GRIN2B: variants seen among roughly 807,000 people sequenced by gnomAD.
The protein encoded by GRIN2B is glutamate ionotropic receptor NMDA type subunit 2B.
GRIN2B carries 5 observed loss-of-function variants against 114.5 expected under a neutral mutation model. The observed-to-expected ratio is 0.04, with a 90% CI of 0.02 to 0.09. GRIN2B has a LOEUF of 0.09. Among genes scored for constraint, GRIN2B ranks in the 10% least tolerant of loss-of-function variants. The probability of loss-of-function intolerance (pLI) is 1.00; values close to 1 mark genes in which losing one functional copy is unlikely to be tolerated. For synonymous variants in GRIN2B, 787 were observed against 745.1 expected (o/e 1.06, Z -0.92); for missense variants, 1,108 against 1,943.5 (o/e 0.57, Z 8.08).
chr12:13,592,968 G>T (rs191862132), intron 10 of GRIN2B, among the ~76,000 whole-genome samples: 15 of 152,238 alleles, frequency 9.9e-5, no homozygotes, highest in African/African-American at 3.4e-4. Context: ...GGTCATGAAG[G>T]CCACTTTACA....
At chr12:13,891,280 T>C (rs572307858) in intron 2 of GRIN2B, among the ~76,000 whole-genome samples, 23 of 152,286 alleles carry the variant, frequency 1.5e-4, no homozygotes, top group Middle Eastern at 3.4e-3. Flanking sequence ...CTGTGATTCC[T>C]ATTCAAGAAG....
intron 5 of GRIN2B, among the ~76,000 whole-genome samples, chr12:13,626,378 T>C (rs1949566707): frequency 6.6e-6 from 1 of 152,184 alleles, no homozygotes; most frequent in Non-Finnish European, 1.5e-5. Flanking sequence ...TATAATCTGC[T>C]TTTGGGAACT....
At chr12:13,835,769 A>G (rs1270278424) in intron 3 of GRIN2B, among the ~76,000 whole-genome samples, 4 of 116,174 alleles carry the variant, frequency 3.4e-5, no homozygotes, top group African/African-American at 1.0e-4. Context: ...AACATAGCAC[A>G]TTAAAAAAAA....
intron 2 of GRIN2B, among the ~76,000 whole-genome samples, chr12:13,940,938 C>T (rs1363237754): frequency 3.9e-5 from 6 of 152,106 alleles, no homozygotes; most frequent in African/African-American, 1.2e-4. Flanking sequence ...CTTACAGGGA[C>T]TTTGGGGCTC....
chr12:13,611,617 TC>T, intron 9 of GRIN2B, 107 bp downstream of exon 9: 1 of 1,138,970 alleles, frequency 8.8e-7, no homozygotes, highest in Non-Finnish European at 1.3e-6. Context: ...GGGTTCCTTT[TC>T]AGAAATGGAT....
chr12:13,631,610 G>A (rs2136497744), intron 5 of GRIN2B, among the ~76,000 whole-genome samples: 1 of 152,326 alleles, frequency 6.6e-6, no homozygotes, highest in Admixed American at 6.5e-5. Flanking sequence ...TTTGCAGGGA[G>A]AAAATGGGGA....
At chr12:13,794,207 C>CAAAA (rs3082833) in intron 3 of GRIN2B, among the ~76,000 whole-genome samples, 17 of 102,974 alleles carry the variant, frequency 1.7e-4, no homozygotes, top group African/African-American at 4.3e-4. Flanking sequence ...GACTCTGTCT[C>CAAAA]AAAAAAAAAA....
At chr12:13,610,348 T>C (rs1202575748) in intron 9 of GRIN2B, among the ~76,000 whole-genome samples, 15 of 152,240 alleles carry the variant, frequency 9.9e-5, no homozygotes, top group Non-Finnish European at 2.1e-4. Context: ...TGAGCTTTCT[T>C]TGCAAATCTG....
intron 3 of GRIN2B, among the ~76,000 whole-genome samples, chr12:13,784,872 G>A (rs568103969): frequency 1.4e-4 from 21 of 152,348 alleles, no homozygotes; most frequent in African/African-American, 4.8e-4. Flanking sequence ...GCTGACCACA[G>A]ATGCAGGAGT....
intron 5 of GRIN2B, among the ~76,000 whole-genome samples, chr12:13,671,431 G>A (rs771069368): frequency 1.3e-5 from 2 of 152,144 alleles, no homozygotes; most frequent in Non-Finnish European, 2.9e-5. Context: ...GGAACAAAAT[G>A]TGTAAGACTG....
intron 10 of GRIN2B, among the ~76,000 whole-genome samples, chr12:13,608,296 T>C (rs113348455): frequency 8.5e-5 from 13 of 152,142 alleles, no homozygotes. Context: ...GGCAGCCCTG[T>C]GCAGATAGGC....
intron 3 of GRIN2B, among the ~76,000 whole-genome samples, chr12:13,763,474 T>C (rs61912124): frequency 0.12 from 18,016 of 152,208 alleles, 1,285 homozygotes; most frequent in Non-Finnish European, 0.16. Context: ...TCCAACTACA[T>C]TGGACGGTCC....
intron 2 of GRIN2B, among the ~76,000 whole-genome samples, chr12:13,904,522 C>T (rs551379362): frequency 8.8e-4 from 134 of 152,030 alleles, no homozygotes; most frequent in Non-Finnish European, 1.7e-3. Flanking sequence ...TATCTTTTTG[C>T]AAATGGCTAA....
At chr12:13,972,709 T>G (rs1193094892) in intron 2 of GRIN2B, among the ~76,000 whole-genome samples, 1 of 152,194 alleles carries the variant, frequency 6.6e-6, no homozygotes, top group Admixed American at 6.5e-5. Context: ...AGGACTATTT[T>G]CACAGTTTTT....
chr12:13,712,221 G>T (rs554630716), intron 4 of GRIN2B, among the ~76,000 whole-genome samples: 5 of 143,448 alleles, frequency 3.5e-5, no homozygotes, highest in African/African-American at 7.8e-5. Flanking sequence ...AAACACCGGG[G>T]CCTGTTGTAG....
At position 13,964,435 on chromosome 12, in the gene GRIN2B, C is replaced by T. The variant is rs548653790; in HGVS notation, c.-19+15493G>A. Among the ~76,000 whole-genome samples the T allele has an allele frequency of 3.3e-5, 5 of 152,270 alleles. No homozygotes were observed. The South Asian group carries it at 6.2e-4, about 19-fold the overall frequency. On this transcript the variant is annotated intron_variant, in intron 2 of 13. Coordinates refer to ENST00000609686, the MANE Select transcript of GRIN2B (RefSeq NM_000834.5). ...TAAACATCCTATAAATGAATCCATG[C>T]GGTGGGTTAAACTTGAAAGACAAAA...
At chr12:13,607,474 A>AAT (rs989100102) in intron 10 of GRIN2B, among the ~76,000 whole-genome samples, 1 of 103,476 alleles carries the variant, frequency 9.7e-6, no homozygotes, top group African/African-American at 4.0e-5. Flanking sequence ...ATATATAATA[A>AAT]ATATATATAG....
chr12:13,616,339 G>C (rs1949440312), intron 6 of GRIN2B, 116 bp downstream of exon 6: 1 of 763,340 alleles, frequency 1.3e-6, no homozygotes, highest in Non-Finnish European at 2.3e-6. Context: ...AAAGCAACTA[G>C]AAATCAGACA....
chr12:13,620,272 G>A (rs1949498092), intron 5 of GRIN2B, among the ~76,000 whole-genome samples: 1 of 152,176 alleles, frequency 6.6e-6, no homozygotes, highest in African/African-American at 2.4e-5. Context: ...TGAGGCATGG[G>A]GAGCAATTGT....
Sources: gnomAD v4.1 joint callset for allele counts (sites outside exome capture counted in the v4.1 genomes callset) on GRCh38, gnomAD v4.1.1 for gene constraint, MANE v1.5 for transcripts, NCBI Gene and HGNC (gene_info 2026-07-23, HGNC 2026-07-21) for gene names.